Variants in PCDHGA12 observed in about 807,000 individuals in gnomAD.
The protein encoded by PCDHGA12 is protocadherin gamma-A12.
PCDHGA12 carries 43 observed loss-of-function variants against 61.1 expected under a neutral mutation model. That is an observed-to-expected ratio of 0.70 (90% confidence interval 0.55 to 0.91). The LOEUF (loss-of-function observed/expected upper bound fraction) is 0.91. PCDHGA12 is among the 40% of genes least tolerant of loss of function. The probability of loss-of-function intolerance (pLI) is 0.00; values close to 1 mark genes in which losing one functional copy is unlikely to be tolerated. For synonymous variants in PCDHGA12, 520 were observed against 542.9 expected (o/e 0.96, Z 0.59); for missense variants, 1,236 against 1,227.7 (o/e 1.01, Z -0.10).
At chr5:141,456,215 C>T (rs1465130067) in intron 1 of PCDHGA12, among the ~76,000 whole-genome samples, 2 of 152,048 alleles carry the variant, frequency 1.3e-5, no homozygotes, top group African/African-American at 2.4e-5. Flanking sequence ...CTCCCTGTGG[C>T]GATATCAAAC....
chr5:141,504,583 A>G (rs1230825472), intron 2 of PCDHGA12, among the ~76,000 whole-genome samples: 1 of 146,622 alleles, frequency 6.8e-6, no homozygotes, highest in African/African-American at 2.5e-5. Flanking sequence ...CCATCTGCCC[A>G]GGATTCACAG....
At chr5:141,510,579 C>T (rs2099881748) in intron 3 of PCDHGA12, among the ~76,000 whole-genome samples, 1 of 152,170 alleles carries the variant, frequency 6.6e-6, no homozygotes, top group Non-Finnish European at 1.5e-5. Flanking sequence ...CACTATTTTA[C>T]GTACCTGACA....
At chr5:141,474,419 A>AT (rs1348108901) in intron 1 of PCDHGA12, among the ~76,000 whole-genome samples, 1 of 152,204 alleles carries the variant, frequency 6.6e-6, no homozygotes, top group Non-Finnish European at 1.5e-5. Context: ...TGCCTAGACC[A>AT]TTGGTCCTCA....
intron 1 of PCDHGA12, among the ~76,000 whole-genome samples, chr5:141,475,629 C>T (rs77593456): frequency 0.054 from 8,157 of 152,234 alleles, 446 homozygotes; most frequent in African/African-American, 0.15. Flanking sequence ...TGGTTCGATC[C>T]CCTTTCTTGT....
intron 2 of PCDHGA12, among the ~76,000 whole-genome samples, chr5:141,504,479 G>T (rs1270717855): frequency 6.6e-6 from 1 of 152,100 alleles, no homozygotes; most frequent in African/African-American, 2.4e-5. Context: ...TGGGAGTACA[G>T]TGGAGGCACC....
At position 141,454,796 on chromosome 5, in the gene PCDHGA12, A is replaced by ATT. The variant is rs61612330; in HGVS notation, c.2424+21641_2424+21642dup. On this transcript the variant is annotated intron_variant, in intron 1 of 3. Coordinates refer to ENST00000252085, the MANE Select transcript of PCDHGA12 (RefSeq NM_003735.3). Reference sequence around the variant, plus strand: ...AAGGAAATAATCCTCCATGGTTCTAATTTTTTTTTTTTTTTTTTTTTTTTT... The same window carrying ATT: ...AAGGAAATAATCCTCCATGGTTCTAATTTTTTTTTTTTTTTTTTTTTTTTTTT... 6.7e-3 allele frequency among the ~76,000 whole-genome samples: 521 copies of ATT among 77,456 alleles called. 71 individuals are homozygous for ATT. The highest frequency in any genetic ancestry group is 0.017 in the Middle Eastern group (2 of 120). The allele number at this position is 77,456 out of a possible 152,430, so 50.8% of individuals were successfully genotyped here.
At chr5:141,484,383 A>C (rs968059260) in intron 1 of PCDHGA12, among the ~76,000 whole-genome samples, 1 of 152,194 alleles carries the variant, frequency 6.6e-6, no homozygotes, top group Non-Finnish European at 1.5e-5. Context: ...ATGTCTGAAT[A>C]AGAAAGGTTT....
Position 141,431,473 on chromosome 5 carries a change from C to G in PCDHGA12, c.714C>G (p.Asn238Lys), listed in dbSNP as rs750300971. ...IRVMVLDAND[N>K]APAFAQPEYR... ...TGATGGTTCTGGATGCGAACGACAA[C>G]GCACCAGCGTTTGCTCAGCCCGAGT... Residue 238 changes from asparagine to lysine, a missense_variant, in exon 1 of 4, where the codon AAC (asparagine) becomes AAG (lysine). Physicochemically the swap from Asn to Lys is moderately conservative, Grantham distance 94 (BLOSUM62 0). Coordinates refer to ENST00000252085, the MANE Select transcript of PCDHGA12 (RefSeq NM_003735.3). This position sits in a 1 kb window ranked among gnomAD's most constrained non-coding sequence, Gnocchi z 4.8. 5.0e-6 allele frequency: 8 copies of G among 1,613,832 alleles called. No homozygotes were observed. The highest frequency in any genetic ancestry group is 1.7e-5 in the Admixed American group (1 of 60,026).
chr5:141,447,823 C>T lies in PCDHGA12; in HGVS notation c.2424+14640C>T, dbSNP rs192381755. ...AAAATTGGCTGGGCGTGGTGGCTCA[C>T]GCCTGTAATCCCAGTGCTTTGGGAG... On this transcript the variant is annotated intron_variant, in intron 1 of 3. Coordinates refer to ENST00000252085, the MANE Select transcript of PCDHGA12 (RefSeq NM_003735.3). Among the ~76,000 whole-genome samples, 677 of 152,272 alleles carry T rather than the reference C, an allele frequency of 4.4e-3. 5 individuals are homozygous for T. Among genetic ancestry groups the T allele is most frequent in the African/African-American group, 0.015 (635 of 41,548 alleles).
At chr5:141,460,741 A>G (rs1378900827) in intron 1 of PCDHGA12, among the ~76,000 whole-genome samples, 1 of 152,128 alleles carries the variant, frequency 6.6e-6, no homozygotes, top group Non-Finnish European at 1.5e-5. Flanking sequence ...CACATTGTAT[A>G]TATATGTGTA....
chr5:141,489,267 C>A lies in PCDHGA12; in HGVS notation c.2425-5540C>A. On this transcript the variant is annotated intron_variant, in intron 1 of 3. Transcript: ENST00000252085. This position sits in a 1 kb window ranked among gnomAD's most constrained non-coding sequence, Gnocchi z 4.5. ...TGGGGCCCAAGACACTCCCACAGCT[C>A]GCTGGGAAATGGCAAGTGCTGTGCA... is the stretch of plus-strand genomic sequence containing the variant. 1 of 1,553,300 alleles carries A rather than the reference C, an allele frequency of 6.4e-7. No homozygotes were observed. The highest frequency in any genetic ancestry group is 8.7e-7 in the Non-Finnish European group (1 of 1,149,864).
At chr5:141,461,007 A>G (rs965754689) in intron 1 of PCDHGA12, among the ~76,000 whole-genome samples, 1 of 151,418 alleles carries the variant, frequency 6.6e-6, no homozygotes, top group Non-Finnish European at 1.5e-5. Flanking sequence ...GTGTATATAT[A>G]TATACCACAT....
intron 1 of PCDHGA12, among the ~76,000 whole-genome samples, chr5:141,472,178 A>G (rs1337942457): frequency 6.6e-6 from 1 of 152,210 alleles, no homozygotes; most frequent in African/African-American, 2.4e-5. Flanking sequence ...AATATCCAGT[A>G]TTGGAATTTG....
chr5:141,494,173 G>C (rs554811420), intron 1 of PCDHGA12, among the ~76,000 whole-genome samples: 2 of 152,304 alleles, frequency 1.3e-5, no homozygotes, highest in South Asian at 2.1e-4. Flanking sequence ...CTAGGGGTGA[G>C]AAGTGTCCCG....
chr5:141,474,488 A>C (rs2099350464), intron 1 of PCDHGA12, among the ~76,000 whole-genome samples: 1 of 152,208 alleles, frequency 6.6e-6, no homozygotes. Flanking sequence ...AATGTATTCT[A>C]TCTTCTAATG....
In PCDHGA12 at chr5:141,511,098, T is replaced by G; in HGVS notation, c.2724T>G (p.Ala908=). 6.2e-7 allele frequency: 1 copy of G among 1,614,132 alleles called. No individual in the cohort carries two copies. The highest frequency in any genetic ancestry group is 8.5e-7 in the Non-Finnish European group (1 of 1,179,996). ...PGSNATLTNA[A]GKRDGKAPAG... is the part of the protein sequence containing the mutation. The stretch of plus-strand genomic sequence containing the variant: ...GCAATGCCACACTGACCAACGCAGC[T>G]GGCAAGCGGGATGGCAAGGCCCCAG... Residue 908 remains alanine, a synonymous_variant, in exon 4 of 4, where the codon GCT becomes GCG. Transcript: ENST00000252085.
At position 141,491,872 on chromosome 5, in the gene PCDHGA12, G is replaced by A; in HGVS notation, c.2425-2935G>A. On this transcript the variant is annotated intron_variant, in intron 1 of 3. Transcript: ENST00000252085. The surrounding 1 kb of genome is among the most constrained non-coding windows in gnomAD (Gnocchi z 6.9). ...CCGTTTGCGCGAAACCAGAGTGGCCGATTAAGGGATGGGGCTCCGAGCACC... is the reference window on the plus strand; with the variant it reads ...CCGTTTGCGCGAAACCAGAGTGGCCAATTAAGGGATGGGGCTCCGAGCACC... 6.9e-7 allele frequency: 1 copy of A among 1,452,190 alleles called. No individual in the cohort carries two copies. The highest frequency in any genetic ancestry group is 9.1e-7 in the Non-Finnish European group (1 of 1,098,644). The allele number at this position is 1,452,190 out of a possible 1,614,324, so 90.0% of individuals were successfully genotyped here.
intron 1 of PCDHGA12, among the ~76,000 whole-genome samples, chr5:141,482,940 G>T (rs1245833250): frequency 6.6e-6 from 1 of 152,026 alleles, no homozygotes; most frequent in East Asian, 1.9e-4. Context: ...AGGTGTGGTT[G>T]TGGGTGCCTG....
Position 141,501,330 on chromosome 5 carries a change from CA to C in PCDHGA12, c.2484-4062del, listed in dbSNP as rs1562200936. 1.8e-3 allele frequency among the ~76,000 whole-genome samples: 266 copies of C among 151,500 alleles called. 1 individual carries two copies. Among genetic ancestry groups the C allele is most frequent in the African/African-American group, 5.1e-3 (210 of 41,250 alleles). On this transcript the variant is annotated intron_variant, in intron 2 of 3. Transcript: ENST00000252085. ...ACACACACACACACACACACACACACACACCCCAAACTCAATAGGGCAAGAA... is the reference window on the plus strand; with the variant it reads ...ACACACACACACACACACACACACACCACCCCAAACTCAATAGGGCAAGAA...
Sources: gnomAD v4.1 joint callset for allele counts (sites outside exome capture counted in the v4.1 genomes callset) on GRCh38, gnomAD v4.1.1 for gene constraint, Gnocchi (gnomAD v3.1) non-coding constraint, MANE v1.5 for transcripts, NCBI Gene and HGNC (gene_info 2026-07-23, HGNC 2026-07-21) for gene names.